The following MTHFD1 variants were observed in gnomAD, a reference collection of about 807,000 sequenced individuals.
MTHFD1 encodes the protein C-1-tetrahydrofolate synthase, cytoplasmic.
A neutral mutation model predicts 110.3 loss-of-function variants in MTHFD1; 44 were observed. The ratio of observed to expected loss-of-function variants is 0.40; its 90% CI spans 0.31 to 0.51. The LOEUF (loss-of-function observed/expected upper bound fraction) is 0.51, where lower values mean the gene tolerates loss of function less well. Among genes scored for constraint, MTHFD1 ranks in the 20% least tolerant of loss-of-function variants. The pLI is 0.60. For missense variants in MTHFD1, 909 were observed against 1,173.1 expected (o/e 0.77, Z 3.29); for synonymous variants, 402 against 428.8 (o/e 0.94, Z 0.77).
intron 2 of MTHFD1, among the ~76,000 whole-genome samples, chr14:64,407,888 T>G (rs1000544402): frequency 6.6e-6 from 1 of 152,056 alleles, no homozygotes; most frequent in Non-Finnish European, 1.5e-5. Flanking sequence ...CTATTCAGAG[T>G]GCTTTATGTA....
rs183668402 is a variant in MTHFD1 at position 64,458,313 on chromosome 14, T to A, written c.*4+6T>A. The A allele has an allele frequency of 3.0e-4, 485 of 1,595,098 alleles. 3 individuals carry two copies. Among genetic ancestry groups the A allele is most frequent in the Non-Finnish European group, 3.0e-5 (35 of 1,162,622 alleles). ...GAATGGATTATTCTAAACAGGTAAG[T>A]TGTTACTGGGTAATAATTTGGCTTT... is the stretch of plus-strand genomic sequence containing the variant. On this transcript the variant is annotated splice_donor_region_variant and intron_variant, in intron 27 of 27. Coordinates refer to ENST00000652337, the MANE Select transcript of MTHFD1 (RefSeq NM_005956.4).
chr14:64,412,398 C>A, intron 3 of MTHFD1, 74 bp from the exon 4 acceptor site: 1 of 1,097,924 alleles, frequency 9.1e-7, no homozygotes, highest in Non-Finnish European at 1.4e-6. Context: ...GCTTGTTAGT[C>A]ATGTCTGTAA....
At chr14:64,441,628 A>C in intron 19 of MTHFD1, 175 bp downstream of exon 19, 1 of 637,342 alleles carries the variant, frequency 1.6e-6, no homozygotes, top group South Asian at 1.6e-5. Flanking sequence ...AACATGGTGA[A>C]ACCCCGTCTC....
At chr14:64,396,096 CTG>C (rs1207046702) in intron 1 of MTHFD1, among the ~76,000 whole-genome samples, 3 of 152,068 alleles carry the variant, frequency 2.0e-5, no homozygotes, top group Non-Finnish European at 4.4e-5. Flanking sequence ...TTTGAGGTAA[CTG>C]TCAAATTTGG....
At chr14:64,433,540 A>G (rs1375711891) in intron 15 of MTHFD1, among the ~76,000 whole-genome samples, 2 of 151,696 alleles carry the variant, frequency 1.3e-5, no homozygotes, top group African/African-American at 4.8e-5. Flanking sequence ...ACCTCACCCA[A>G]CTAGGTAGCT....
At chr14:64,439,574 T>C in intron 17 of MTHFD1, among the ~76,000 whole-genome samples, 1 of 152,106 alleles carries the variant, frequency 6.6e-6, no homozygotes, top group Admixed American at 6.6e-5. Context: ...AATCATAGCT[T>C]TTTGGTCCTA....
intron 26 of MTHFD1, 143 bp from the exon 27 acceptor site, chr14:64,458,071 G>A: frequency 1.3e-6 from 1 of 745,462 alleles, no homozygotes; most frequent in Non-Finnish European, 2.5e-6. Flanking sequence ...TTTATTTCCT[G>A]TAGAGATGGG....
chr14:64,415,328 T>C, intron 4 of MTHFD1, 30 bp from the exon 5 acceptor site: 15 of 1,584,718 alleles, frequency 9.5e-6, no homozygotes, highest in Non-Finnish European at 1.3e-5. Context: ...TTCTGTGTGA[T>C]ATACAAATTA....
At chr14:64,457,728 T>C (rs914806440) in intron 26 of MTHFD1, among the ~76,000 whole-genome samples, 12 of 152,154 alleles carry the variant, frequency 7.9e-5, no homozygotes, top group African/African-American at 2.9e-4. Flanking sequence ...AGTGCTAGGA[T>C]TATAGGCATG....
intron 18 of MTHFD1, chr14:64,440,959 A>C: frequency 3.6e-6 from 1 of 275,252 alleles, no homozygotes. Context: ...TGGGAGGCTG[A>C]GGCGGGTGGA....
chr14:64,441,370 A>T lies in MTHFD1; in HGVS notation c.1816-15A>T. 6.2e-7 allele frequency: 1 copy of T among 1,613,758 alleles called. No individual in the cohort carries two copies. Among genetic ancestry groups the T allele is most frequent in the South Asian group, 1.1e-5 (1 of 91,074 alleles). On this transcript the variant is annotated splice_polypyrimidine_tract_variant and intron_variant, in intron 18 of 27. Transcript: ENST00000652337. ...TTGCTGGTGGGAGTTGATGCTGCACACATTTGTTTTGTAGGGGGTGAGTGG... is the reference window on the plus strand; with the variant it reads ...TTGCTGGTGGGAGTTGATGCTGCACTCATTTGTTTTGTAGGGGGTGAGTGG...
At chr14:64,443,963 C>T (rs2078268301) in intron 21 of MTHFD1, among the ~76,000 whole-genome samples, 1 of 152,160 alleles carries the variant, frequency 6.6e-6, no homozygotes, top group Non-Finnish European at 1.5e-5. Flanking sequence ...GGAGTTGGAG[C>T]ACATAGTCTC....
At chr14:64,430,320 C>G (rs1292078431) in intron 13 of MTHFD1, 90 bp downstream of exon 13, 30 of 1,221,676 alleles carry the variant, frequency 2.5e-5, no homozygotes, top group Non-Finnish European at 3.4e-5. Context: ...TTCCCCATGA[C>G]GGAGTCTTGC....
At chr14:64,407,898 A>G (rs1180162859) in intron 2 of MTHFD1, among the ~76,000 whole-genome samples, 1 of 152,172 alleles carries the variant, frequency 6.6e-6, no homozygotes, top group East Asian at 1.9e-4. Flanking sequence ...TGCTTTATGT[A>G]TAGTAACTCA....
chr14:64,394,256 CT>C (rs1190278346), intron 1 of MTHFD1, among the ~76,000 whole-genome samples: 3 of 152,134 alleles, frequency 2.0e-5, no homozygotes, highest in Non-Finnish European at 4.4e-5. Flanking sequence ...AGCTAAGTGA[CT>C]TGCCCAGGTG....
chr14:64,389,378 C>T (rs1020706233), intron 1 of MTHFD1, among the ~76,000 whole-genome samples: 1 of 152,192 alleles, frequency 6.6e-6, no homozygotes, highest in Non-Finnish European at 1.5e-5. Context: ...TAACTCCTAA[C>T]TTTGTAATAG....
At position 64,449,433 on chromosome 14, in the gene MTHFD1, C is replaced by T. The variant is rs2078335896; in HGVS notation, c.2280-12C>T. On this transcript the variant is annotated splice_polypyrimidine_tract_variant and intron_variant, in intron 23 of 27. Coordinates refer to ENST00000652337, the MANE Select transcript of MTHFD1 (RefSeq NM_005956.4). ...ATTTTCCATGCTTTGATATGAAATG[C>T]TTCCTTTATAGGACGGATACAGAGT... is the stretch of plus-strand genomic sequence containing the variant. The T allele has an allele frequency of 6.2e-7, 1 of 1,612,630 alleles. No individual in the cohort carries two copies. Among genetic ancestry groups the T allele is most frequent in the African/African-American group, 1.3e-5 (1 of 74,986 alleles).
At chr14:64,426,519 G>A (rs1372530974) in intron 11 of MTHFD1, among the ~76,000 whole-genome samples, 3 of 152,204 alleles carry the variant, frequency 2.0e-5, no homozygotes, top group Non-Finnish European at 2.9e-5. Flanking sequence ...TGCCCAGGCT[G>A]GAGTGCAGTG....
intron 17 of MTHFD1, 82 bp from the exon 18 acceptor site, chr14:64,440,044 A>G (rs2078235977): frequency 1.5e-6 from 2 of 1,294,624 alleles, no homozygotes; most frequent in Non-Finnish European, 2.2e-6. Context: ...TAAGCCTCAG[A>G]TGTAAAAGAG....
Sources: allele counts gnomAD v4.1 joint callset (sites outside exome capture counted in the v4.1 genomes callset), GRCh38; gene constraint gnomAD v4.1.1; transcripts MANE v1.5; gene names NCBI Gene and HGNC (gene_info 2026-07-23, HGNC 2026-07-21).